JARID2: variants seen among roughly 807,000 people sequenced by gnomAD.
JARID2 encodes jumonji and AT-rich interaction domain containing 2, also known as protein Jumonji.
JARID2 carries 21 observed loss-of-function variants against 125.6 expected under a neutral mutation model. That is an observed-to-expected ratio of 0.17 (90% CI 0.12 to 0.24). The LOEUF is 0.24. Ranked by LOEUF, JARID2 falls within the 10% of genes least tolerant of loss-of-function variation. The pLI is 1.00. For synonymous variants in JARID2, 736 were observed against 661.6 expected (o/e 1.11, Z -1.73); for missense variants, 1,303 against 1,639.6 (o/e 0.79, Z 3.55).
Position 15,494,413 on chromosome 6 carries a change from CTTTTTTTT to C in JARID2, c.907-1706_907-1699del, listed in dbSNP as rs60218567. Reference sequence around the variant, plus strand: ...ACTGGTTTGGATGTTTTTGGCAAGTCTTTTTTTTTTTTTTTTTTTTGAGACAAGAGTCT... The same window carrying C: ...ACTGGTTTGGATGTTTTTGGCAAGTCTTTTTTTTTTTTGAGACAAGAGTCT... On this transcript the variant is annotated intron_variant, in intron 6 of 17. Transcript: ENST00000341776. 2.5e-5 allele frequency among the ~76,000 whole-genome samples: 2 copies of C among 80,596 alleles called. 1 individual carries two copies. Among genetic ancestry groups the C allele is most frequent in the Non-Finnish European group, 4.4e-5 (2 of 45,850 alleles). 52.9% of individuals were successfully genotyped at this position (80,596 alleles called of 152,430 possible).
At position 15,520,111 on chromosome 6, in the gene JARID2, T is replaced by G. The variant is rs929564203; in HGVS notation, c.3601T>G (p.Ser1201Ala). The part of the protein sequence containing the change: ...SLVNQICGKV[S>A]GKNGSIENCL... Reference sequence around the variant, plus strand: ...GGTCAATCAGATCTGCGGCAAAGTGTCTGGTAAAAACGGCAGCATTGAGAA... The same window carrying G: ...GGTCAATCAGATCTGCGGCAAAGTGGCTGGTAAAAACGGCAGCATTGAGAA... The change falls in exon 18 of 18, where the codon TCT becomes GCT. Residue 1201 changes from serine to alanine, a missense_variant. Coordinates refer to ENST00000341776, the MANE Select transcript of JARID2 (RefSeq NM_004973.4). 1.2e-6 allele frequency: 2 copies of G among 1,613,746 alleles called. No homozygotes were observed. Among genetic ancestry groups the G allele is most frequent in the African/African-American group, 2.7e-5 (2 of 74,940 alleles).
At chr6:15,427,885 T>C (rs1033174850) in intron 3 of JARID2, among the ~76,000 whole-genome samples, 66 of 141,266 alleles carry the variant, frequency 4.7e-4, no homozygotes, top group African/African-American at 1.6e-3. Context: ...TAGACATACC[T>C]TTTTTTTTTT....
At chr6:15,348,003 A>C (rs1215695487) in intron 1 of JARID2, among the ~76,000 whole-genome samples, 2 of 152,172 alleles carry the variant, frequency 1.3e-5, no homozygotes, top group East Asian at 3.8e-4. Context: ...GAAGCATCCA[A>C]AGTGCTGGGT....
intron 1 of JARID2, among the ~76,000 whole-genome samples, chr6:15,327,544 T>TGTGTGCGC (rs1762572340): frequency 6.6e-6 from 1 of 151,140 alleles, no homozygotes; most frequent in Non-Finnish European, 1.5e-5. Flanking sequence ...TGTGTGTGTG[T>TGTGTGCGC]GTGTGTGCGC....
At chr6:15,476,317 AGCAGAG>A (rs1769337899) in intron 5 of JARID2, among the ~76,000 whole-genome samples, 1 of 152,192 alleles carries the variant, frequency 6.6e-6, no homozygotes, top group Admixed American at 6.5e-5. Flanking sequence ...TCCACAAAAG[AGCAGAG>A]TGGCTCTGGT....
chr6:15,414,009 C>T (rs935527253), intron 3 of JARID2, among the ~76,000 whole-genome samples: 4 of 152,082 alleles, frequency 2.6e-5, no homozygotes, highest in Admixed American at 6.6e-5. Flanking sequence ...TAGAATGATA[C>T]GAATTGCTAG....
intron 1 of JARID2, among the ~76,000 whole-genome samples, chr6:15,344,072 T>C (rs2127472250): frequency 1.3e-5 from 2 of 150,030 alleles, no homozygotes; most frequent in East Asian, 4.0e-4. Flanking sequence ...AGGAAGTACA[T>C]GATAATCTGT....
intron 1 of JARID2, among the ~76,000 whole-genome samples, chr6:15,297,608 TGGGATTTA>T (rs1761461631): frequency 6.6e-6 from 1 of 152,028 alleles, no homozygotes; most frequent in South Asian, 2.1e-4. Flanking sequence ...CCCAAAGCAC[TGGGATTTA>T]CAGGCATGAG....
chr6:15,276,291 C>T (rs1760498095), intron 1 of JARID2, among the ~76,000 whole-genome samples: 1 of 152,188 alleles, frequency 6.6e-6, no homozygotes, highest in African/African-American at 2.4e-5. Context: ...GCAAATCCAT[C>T]AGATTCTGCA....
chr6:15,253,052 G>T (rs936394277), intron 1 of JARID2, among the ~76,000 whole-genome samples: 1 of 151,266 alleles, frequency 6.6e-6, no homozygotes, highest in South Asian at 2.1e-4. Flanking sequence ...CCAGCTTCAG[G>T]TTTTTTTAAT....
At chr6:15,320,852 C>CTG (rs71944757) in intron 1 of JARID2, among the ~76,000 whole-genome samples, 16,632 of 145,296 alleles carry the variant, frequency 0.11, 945 homozygotes, top group African/African-American at 0.14. Context: ...CTCTCTCTCT[C>CTG]TGTGTGTGTG....
chr6:15,495,082 GGTGTTAA>G (rs1485716738), intron 6 of JARID2, among the ~76,000 whole-genome samples: 2 of 152,206 alleles, frequency 1.3e-5, no homozygotes, highest in African/African-American at 4.8e-5. Context: ...TAATGCCCAA[GGTGTTAA>G]GTGATGGGGC....
chr6:15,347,380 T>A (rs1763278391), intron 1 of JARID2, among the ~76,000 whole-genome samples: 1 of 152,214 alleles, frequency 6.6e-6, no homozygotes, highest in African/African-American at 2.4e-5. Flanking sequence ...TGCTTGATGA[T>A]GAGAGAAATG....
chr6:15,431,360 C>G (rs567524119), intron 3 of JARID2, among the ~76,000 whole-genome samples: 1 of 152,118 alleles, frequency 6.6e-6, no homozygotes, highest in African/African-American at 2.4e-5. Flanking sequence ...AGCTGCGATC[C>G]GTATGTCTCA....
chr6:15,403,455 T>G (rs929196799), intron 2 of JARID2, among the ~76,000 whole-genome samples: 2 of 152,166 alleles, frequency 1.3e-5, no homozygotes, highest in African/African-American at 4.8e-5. Context: ...AGTGTTCTGC[T>G]TACCTCTTCC....
intron 2 of JARID2, among the ~76,000 whole-genome samples, chr6:15,382,894 T>A (rs977401215): frequency 1.3e-5 from 2 of 152,214 alleles, no homozygotes; most frequent in Non-Finnish European, 2.9e-5. Flanking sequence ...AGCTGGGCTC[T>A]GTTTCCCTGA....
intron 2 of JARID2, among the ~76,000 whole-genome samples, chr6:15,407,848 C>G (rs140844108): frequency 3.3e-5 from 5 of 152,304 alleles, no homozygotes; most frequent in African/African-American, 1.2e-4. Flanking sequence ...TAACCTGTAT[C>G]CCCAGTGCCC....
intron 1 of JARID2, chr6:15,247,324 T>A: frequency 1.6e-6 from 1 of 633,104 alleles, no homozygotes; most frequent in African/African-American, 2.0e-5. Context: ...GGGTGATTAT[T>A]CCTAGATTTA....
intron 2 of JARID2, among the ~76,000 whole-genome samples, chr6:15,396,019 CT>C (rs1216008141): frequency 6.6e-6 from 1 of 152,112 alleles, no homozygotes; most frequent in South Asian, 2.1e-4. Flanking sequence ...AGGTAAACAG[CT>C]TTTTTGTGAT....
Sources: gnomAD v4.1 joint callset for allele counts (sites outside exome capture counted in the v4.1 genomes callset) on GRCh38, gnomAD v4.1.1 for gene constraint, MANE v1.5 for transcripts, NCBI Gene and HGNC (gene_info 2026-07-23, HGNC 2026-07-21) for gene names.